The following EPHX4 variants were observed in gnomAD, a reference collection of about 807,000 sequenced individuals.
The protein encoded by EPHX4 is abhydrolase domain containing 7.
Under a neutral mutation model 44.9 loss-of-function variants are expected in EPHX4, and 31 were observed. That is an observed-to-expected ratio of 0.69 (90% CI 0.52 to 0.93). EPHX4 has a LOEUF of 0.93. EPHX4 is among the 40% of genes least tolerant of loss of function. The pLI is 0.00. For missense variants in EPHX4, 373 were observed against 438.1 expected, an observed-to-expected ratio of 0.85 and a Z score of 1.33; for synonymous variants, 151 against 159.7, an observed-to-expected ratio of 0.95 and a Z score of 0.41.
intron 1 of EPHX4, among the ~76,000 whole-genome samples, chr1:92,030,680 C>T (rs1392114908): frequency 1.3e-5 from 2 of 152,002 alleles, no homozygotes; most frequent in Non-Finnish European, 1.5e-5. Flanking sequence ...CCCTTTTGCC[C>T]TTTAGAGCTC....
intron 2 of EPHX4, 51 bp from the exon 3 acceptor site, chr1:92,042,772 C>G: frequency 1.8e-6 from 2 of 1,085,940 alleles, no homozygotes; most frequent in Non-Finnish European, 2.6e-6. Flanking sequence ...TGTAATGTTA[C>G]TGTTTGTACT....
Position 92,063,119 on chromosome 1 carries a change from G to A in EPHX4, c.922G>A (p.Ala308Thr), listed in dbSNP as rs373441880. ...PTLLLWGEND[A>T]FMEVEMAEVT... ...ACTACTACTGTGGGGAGAGAATGAC[G>A]CATTCATGGAGGTTGAGATGGCTGA... Residue 308 changes from alanine (A) to threonine (T), a missense_variant, in exon 7 of 7, where the codon GCA becomes ACA. Physicochemically the swap from Ala to Thr is moderately conservative, Grantham distance 58. Coordinates refer to ENST00000370383, the MANE Select transcript of EPHX4 (RefSeq NM_173567.5). 50 of 1,613,964 alleles carry A rather than the reference G, an allele frequency of 3.1e-5. No individual in the cohort carries two copies. The highest frequency in any genetic ancestry group is 3.8e-5 in the Non-Finnish European group (45 of 1,180,012).
chr1:92,040,056 A>G (rs1467033933), intron 2 of EPHX4, among the ~76,000 whole-genome samples: 2 of 152,176 alleles, frequency 1.3e-5, no homozygotes, highest in African/African-American at 2.4e-5. Flanking sequence ...ATGCTTTGGC[A>G]GATTTTCATA....
Position 92,043,003 on chromosome 1 carries a change from A to G in EPHX4, c.475+23A>G, listed in dbSNP as rs370315854. The G allele has an allele frequency of 3.2e-6, 5 of 1,552,720 alleles. No individual in the cohort carries two copies. The African/African-American group carries it at 4.1e-5, about 13-fold the overall frequency. ...TAGGTAGGTTAGTTTGAAACAAAAC[A>G]ACTCTTTTTAAGGGACAAACATTCA... On this transcript the variant is annotated intron_variant, in intron 3 of 6. Transcript: ENST00000370383.
chr1:92,047,001 T>C (rs544192479), intron 4 of EPHX4, among the ~76,000 whole-genome samples: 2 of 152,182 alleles, frequency 1.3e-5, no homozygotes, highest in African/African-American at 2.4e-5. Context: ...CACCCTAATC[T>C]CATCAGAAAA....
intron 2 of EPHX4, among the ~76,000 whole-genome samples, chr1:92,041,433 C>T (rs1688507620): frequency 6.6e-6 from 1 of 152,076 alleles, no homozygotes; most frequent in Non-Finnish European, 1.5e-5. Context: ...AACTTTGACC[C>T]TATTTGACAG....
chr1:92,054,811 T>C (rs1404002363), intron 6 of EPHX4, among the ~76,000 whole-genome samples: 1 of 151,968 alleles, frequency 6.6e-6, no homozygotes, highest in Non-Finnish European at 1.5e-5. Context: ...AATATGGTCA[T>C]TGAAATCTAG....
At chr1:92,046,594 G>A (rs1220826802) in intron 4 of EPHX4, among the ~76,000 whole-genome samples, 1 of 151,250 alleles carries the variant, frequency 6.6e-6, no homozygotes, top group African/African-American at 2.4e-5. Flanking sequence ...CTCCCGAGTA[G>A]CTGGGACTAC....
chr1:92,047,129 T>C (rs1184043151), intron 4 of EPHX4, among the ~76,000 whole-genome samples: 2 of 152,252 alleles, frequency 1.3e-5, no homozygotes, highest in Non-Finnish European at 2.9e-5. Context: ...ATGATTGTTT[T>C]CCTTGACATG....
At chr1:92,061,129 C>T (rs1647486065) in intron 6 of EPHX4, among the ~76,000 whole-genome samples, 1 of 152,182 alleles carries the variant, frequency 6.6e-6, no homozygotes. Context: ...ATCTGCCCAC[C>T]TTGGCCTCCC....
At chr1:92,039,341 A>G (rs1450178407) in intron 2 of EPHX4, among the ~76,000 whole-genome samples, 1 of 152,220 alleles carries the variant, frequency 6.6e-6, no homozygotes, top group African/African-American at 2.4e-5. Flanking sequence ...TGCTGCCTAA[A>G]TGGAGGCCTG....
chr1:92,053,858 T>C (rs1289735767), intron 6 of EPHX4, among the ~76,000 whole-genome samples: 4 of 152,126 alleles, frequency 2.6e-5, no homozygotes, highest in Admixed American at 1.3e-4. Flanking sequence ...ACCTTAGATA[T>C]TCAAATACAC....
chr1:92,051,052 G>A (rs1031205016), intron 5 of EPHX4, among the ~76,000 whole-genome samples: 9 of 151,880 alleles, frequency 5.9e-5, no homozygotes, highest in African/African-American at 2.2e-4. Context: ...AGGCTGGTCT[G>A]AAACTCCTGG....
intron 6 of EPHX4, among the ~76,000 whole-genome samples, chr1:92,061,809 T>C (rs149553765): frequency 9.1e-4 from 138 of 152,334 alleles, no homozygotes; most frequent in African/African-American, 3.1e-3. Context: ...TGCATTATAT[T>C]TATAGTATGG....
rs528368886 is a variant in EPHX4 at position 92,052,529 on chromosome 1, C to G, written c.728C>G (p.Thr243Ser). Residue 243 changes from threonine (T) to serine (S), a missense_variant, in exon 6 of 7, where the codon ACC becomes AGC. Coordinates refer to ENST00000370383, the MANE Select transcript of EPHX4 (RefSeq NM_173567.5). ...AATTAGGTTTTGAAACATCTGTTTA[C>G]CAGTCACAGCACTGGCATTGGAAGA... ...NDFKVLKHLF[T>S]SHSTGIGRKG... The G allele has an allele frequency of 1.9e-6, 3 of 1,603,914 alleles. No homozygotes were observed. In the African/African-American group the frequency reaches 4.0e-5, roughly 22 times the overall value.
At chr1:92,046,023 C>A (rs962914521) in intron 4 of EPHX4, among the ~76,000 whole-genome samples, 1 of 152,154 alleles carries the variant, frequency 6.6e-6, no homozygotes, top group Admixed American at 6.5e-5. Context: ...TAGCAGTATT[C>A]TTTAAAGCAG....
chr1:92,059,411 T>C (rs1647441049), intron 6 of EPHX4, among the ~76,000 whole-genome samples: 1 of 151,848 alleles, frequency 6.6e-6, no homozygotes, highest in Admixed American at 6.6e-5. Flanking sequence ...ACTCCAGCCT[T>C]GGCAACAGAG....
chr1:92,031,553 C>T (rs1162215037), intron 1 of EPHX4, among the ~76,000 whole-genome samples: 1 of 152,176 alleles, frequency 6.6e-6, no homozygotes, highest in Non-Finnish European at 1.5e-5. Flanking sequence ...CACAGCCCTG[C>T]TCTCAACCAT....
At chr1:92,048,702 C>T (rs1688616108) in intron 4 of EPHX4, among the ~76,000 whole-genome samples, 1 of 151,928 alleles carries the variant, frequency 6.6e-6, no homozygotes, top group Non-Finnish European at 1.5e-5. Context: ...CAAGCATAGA[C>T]TTTTTTTCCC....
Sources: allele counts gnomAD v4.1 joint callset (sites outside exome capture counted in the v4.1 genomes callset), GRCh38; gene constraint gnomAD v4.1.1; transcripts MANE v1.5; gene names NCBI Gene and HGNC (gene_info 2026-07-23, HGNC 2026-07-21).